The following TIMP2 variants were observed in gnomAD, a reference collection of about 807,000 sequenced individuals.
TIMP2 encodes the protein metalloproteinase inhibitor 2.
Under a neutral mutation model 24.3 loss-of-function variants are expected in TIMP2, and 5 were observed. That is an observed-to-expected ratio of 0.21 (90% confidence interval 0.11 to 0.43). TIMP2 has a LOEUF of 0.43. Among genes scored for constraint, TIMP2 ranks in the 20% least tolerant of loss-of-function variants. TIMP2 has a pLI of 1.00. For missense variants in TIMP2, 221 were observed against 297.5 expected (o/e 0.74, Z 1.89); for synonymous variants, 130 against 123.2 (o/e 1.06, Z -0.37).
intron 4 of TIMP2, chr17:78,857,304 C>T (rs1241739470): frequency 1.7e-5 from 10 of 587,190 alleles, no homozygotes; most frequent in African/African-American, 3.7e-5. Flanking sequence ...CATCCCCTGT[C>T]AGAGATGTGC....
At chr17:78,870,568 C>A (rs919175413) in intron 3 of TIMP2, among the ~76,000 whole-genome samples, 1 of 152,116 alleles carries the variant, frequency 6.6e-6, no homozygotes, top group African/African-American at 2.4e-5. Flanking sequence ...AGATGTTACG[C>A]GAGCTTTTGG....
intron 1 of TIMP2, among the ~76,000 whole-genome samples, chr17:78,915,899 C>T (rs540561952): frequency 3.0e-4 from 46 of 152,330 alleles, no homozygotes; most frequent in African/African-American, 1.1e-3. Flanking sequence ...CCTGTGCCTC[C>T]GTTGGATCGT....
At chr17:78,910,983 C>T (rs879800674) in intron 1 of TIMP2, among the ~76,000 whole-genome samples, 3 of 152,172 alleles carry the variant, frequency 2.0e-5, no homozygotes, top group Non-Finnish European at 4.4e-5. Flanking sequence ...AATGCCCAGT[C>T]GTGGGACTGC....
intron 1 of TIMP2, 24 bp from the exon 2 acceptor site, chr17:78,873,943 TG>T: frequency 1.9e-6 from 3 of 1,606,328 alleles, no homozygotes; most frequent in Non-Finnish European, 2.6e-6. Flanking sequence ...GACACAGAGG[TG>T]AGGAGAGTTC....
At chr17:78,872,624 T>C (rs1049363892) in intron 2 of TIMP2, among the ~76,000 whole-genome samples, 5 of 152,174 alleles carry the variant, frequency 3.3e-5, no homozygotes, top group African/African-American at 1.2e-4. Flanking sequence ...ATGACATCAT[T>C]TGCCAAAAGG....
intron 1 of TIMP2, chr17:78,890,901 T>C (rs1260637211): frequency 6.4e-7 from 1 of 1,550,608 alleles, no homozygotes; most frequent in African/African-American, 1.4e-5. Flanking sequence ...AGCTCAGCTT[T>C]GTAGTGGATT....
intron 1 of TIMP2, among the ~76,000 whole-genome samples, chr17:78,886,745 CT>C (rs953786054): frequency 6.6e-6 from 1 of 151,928 alleles, no homozygotes; most frequent in Non-Finnish European, 1.5e-5. Context: ...TTTTTTCCCC[CT>C]AAGACAGGGT....
chr17:78,890,642 C>T (rs1230982271), intron 1 of TIMP2: 7 of 1,549,810 alleles, frequency 4.5e-6, no homozygotes, highest in Non-Finnish European at 1.7e-6. Context: ...TCGCATTTAG[C>T]ATATGTTCTG....
chr17:78,867,148 C>G (rs1326098649), intron 3 of TIMP2, among the ~76,000 whole-genome samples: 3 of 152,152 alleles, frequency 2.0e-5, no homozygotes, highest in Non-Finnish European at 4.4e-5. Context: ...GTAATCCCAG[C>G]TACTTGGGTG....
At chr17:78,870,685 C>A (rs2069673735) in intron 3 of TIMP2, among the ~76,000 whole-genome samples, 1 of 151,932 alleles carries the variant, frequency 6.6e-6, no homozygotes, top group South Asian at 2.1e-4. Context: ...TTTTTGTCCA[C>A]CAATCTCAAA....
At chr17:78,882,108 G>A (rs1476639174) in intron 1 of TIMP2, among the ~76,000 whole-genome samples, 1 of 152,196 alleles carries the variant, frequency 6.6e-6, no homozygotes, top group Admixed American at 6.5e-5. Context: ...GGGATTACAG[G>A]TGCCCGCCAC....
chr17:78,913,475 C>A (rs886430579), intron 1 of TIMP2, among the ~76,000 whole-genome samples: 2 of 152,096 alleles, frequency 1.3e-5, no homozygotes, highest in Non-Finnish European at 2.9e-5. Context: ...CTTTGGGAGG[C>A]CGAGGTGGGA....
chr17:78,891,294 C>G lies in TIMP2; in HGVS notation c.131-17375G>C, dbSNP rs771290378. ...TCCTCTGCTGGGCTCCTGGGTTCCC[C>G]GGCAGGCAGCATCTCTGGGTCTGCC... On this transcript the variant is annotated intron_variant, in intron 1 of 4. Coordinates refer to ENST00000262768, the MANE Select transcript of TIMP2 (RefSeq NM_003255.5). The surrounding 1 kb of genome is among the most constrained non-coding windows in gnomAD (Gnocchi z 4.5). The G allele has an allele frequency of 1.3e-6, 2 of 1,550,526 alleles. No individual in the cohort carries two copies. Among genetic ancestry groups the G allele is most frequent in the Non-Finnish European group, 1.7e-6 (2 of 1,146,970 alleles).
chr17:78,865,582 C>T (rs939327024), intron 3 of TIMP2, among the ~76,000 whole-genome samples: 5 of 150,502 alleles, frequency 3.3e-5, no homozygotes, highest in Non-Finnish European at 5.9e-5. Context: ...TGAGACCACG[C>T]CATTGCACTC....
At chr17:78,890,814 C>G in intron 1 of TIMP2, 1 of 1,550,632 alleles carries the variant, frequency 6.4e-7, no homozygotes, top group Non-Finnish European at 8.7e-7. Flanking sequence ...GATCCTCTCT[C>G]CCTTTCCTGG....
chr17:78,856,182 A>C (rs1228017812), intron 4 of TIMP2: 10 of 384,690 alleles, frequency 2.6e-5, no homozygotes, highest in African/African-American at 2.0e-4. Flanking sequence ...ACACAGCAAC[A>C]ATAAAAGGGC....
At chr17:78,884,871 C>T (rs182386887) in intron 1 of TIMP2, among the ~76,000 whole-genome samples, 95 of 152,348 alleles carry the variant, frequency 6.2e-4, no homozygotes, top group African/African-American at 2.0e-3. Flanking sequence ...TCTTATGTGT[C>T]GGAGATCCTG....
intron 1 of TIMP2, among the ~76,000 whole-genome samples, chr17:78,918,078 A>ACACACACACT (rs888107917): frequency 6.7e-6 from 1 of 149,254 alleles, no homozygotes; most frequent in East Asian, 2.0e-4. Flanking sequence ...ACACACACAC[A>ACACACACACT]CACACACACA....
At chr17:78,892,245 C>T in intron 1 of TIMP2, 2 of 1,550,942 alleles carry the variant, frequency 1.3e-6, no homozygotes, top group South Asian at 2.4e-5. Context: ...TCGCCTTTGC[C>T]CCGGGCTTGT....
Sources: allele counts gnomAD v4.1 joint callset (sites outside exome capture counted in the v4.1 genomes callset), GRCh38; gene constraint gnomAD v4.1.1; non-coding constraint Gnocchi (gnomAD v3.1); transcripts MANE v1.5; gene names NCBI Gene and HGNC (gene_info 2026-07-23, HGNC 2026-07-21).